NLRC5: variants seen among roughly 807,000 people sequenced by gnomAD.
NLRC5 encodes the protein protein NLRC5.
NLRC5 carries 114 observed loss-of-function variants against 206.9 expected under a neutral mutation model. That is an observed-to-expected ratio of 0.55 (90% CI 0.47 to 0.64). NLRC5 has a LOEUF of 0.64. Ranked by LOEUF, NLRC5 falls within the 30% of genes least tolerant of loss-of-function variation. The pLI, the probability that NLRC5 is intolerant of heterozygous loss-of-function variation, is 0.00. For synonymous variants in NLRC5, 952 were observed against 962.8 expected (o/e 0.99, Z 0.21); for missense variants, 2,008 against 2,305.5 (o/e 0.87, Z 2.64).
rs746312170 is a variant in NLRC5, at chr16:57,020,847, C to G, written c.135C>G (p.Asn45Lys). The change falls in exon 3 of 49, where the codon AAC (asparagine) becomes AAG (lysine). Residue 45 changes from asparagine to lysine, a missense_variant. Physicochemically the swap from Asn to Lys is moderately conservative, Grantham distance 94 (BLOSUM62 0). Coordinates refer to ENST00000688547, the MANE Select transcript of NLRC5 (RefSeq NM_001384950.1). ...FLPNTDLDSR[N>K]ETLDPEQRVI... ...CCAACACGGACCTGGATTCCAGGAACGAGACCTTGGACCCTGAACAGAGAG... is the reference window on the plus strand; with the variant it reads ...CCAACACGGACCTGGATTCCAGGAAGGAGACCTTGGACCCTGAACAGAGAG... The G allele has an allele frequency of 6.2e-7, 1 of 1,613,622 alleles. No homozygotes were observed. The highest frequency in any genetic ancestry group is 1.1e-5 in the South Asian group (1 of 91,034).
chr16:57,033,467 C>T, intron 11 of NLRC5, 137 bp from the exon 12 acceptor site: 1 of 744,338 alleles, frequency 1.3e-6, no homozygotes, highest in African/African-American at 1.7e-5. Flanking sequence ...TGAGCATCTG[C>T]AAGCAGTCTC....
intron 21 of NLRC5, 60 bp from the exon 22 acceptor site, chr16:57,046,492 C>T: frequency 7.1e-7 from 1 of 1,412,508 alleles, no homozygotes; most frequent in Non-Finnish European, 1.0e-6. Context: ...GGTATATGGG[C>T]TGGGCTGGGA....
At chr16:57,029,919 C>T in intron 9 of NLRC5, 63 bp downstream of exon 9, 1 of 1,607,572 alleles carries the variant, frequency 6.2e-7, no homozygotes, top group Non-Finnish European at 8.5e-7. Context: ...CACCCCACTC[C>T]CTTGCAAGGC....
chr16:57,067,316 T>C, intron 34 of NLRC5, 71 bp from the exon 35 acceptor site: 1 of 1,235,102 alleles, frequency 8.1e-7, no homozygotes, highest in Non-Finnish European at 1.2e-6. Flanking sequence ...ATAAGCTCCT[T>C]GCAGGCAGAT....
In NLRC5 at chr16:57,074,682, A is replaced by G; in HGVS notation, c.4750A>G (p.Arg1584Gly). 1 of 1,613,578 alleles carries G rather than the reference A, an allele frequency of 6.2e-7. No individual in the cohort carries two copies. Among genetic ancestry groups the G allele is most frequent in the Non-Finnish European group, 8.5e-7 (1 of 1,179,572 alleles). Residue 1584 changes from arginine to glycine, a missense_variant and splice_region_variant, in exon 39 of 49, where the codon AGA becomes GGA. Coordinates refer to ENST00000688547, the MANE Select transcript of NLRC5 (RefSeq NM_001384950.1). The stretch of plus-strand genomic sequence containing the variant: ...CCAGATGACCTGCCTGCAGAGCCTC[A>G]GGTGAGTGACCGAGCGGCCCCATGG... ...LSQMTCLQSLRLNRNSIGDVG... is the reference protein window; with the variant it reads ...LSQMTCLQSLGLNRNSIGDVG...
intron 1 of NLRC5, among the ~76,000 whole-genome samples, chr16:57,000,131 G>A (rs566273383): frequency 5.3e-4 from 81 of 152,248 alleles, no homozygotes; most frequent in Non-Finnish European, 1.3e-4. Flanking sequence ...ACACGCAAGC[G>A]GGAGCCTTCT....
Position 57,045,502 on chromosome 16 carries a change from G to T in NLRC5, c.3248+10G>T. On this transcript the variant is annotated intron_variant, in intron 21 of 48. Coordinates refer to ENST00000688547, the MANE Select transcript of NLRC5 (RefSeq NM_001384950.1). ...GGGACAAGACAAGCAGGTGAGGAGGGAACGCTCGGGGTGGGGGAGTCCCCT... is the reference window on the plus strand; with the variant it reads ...GGGACAAGACAAGCAGGTGAGGAGGTAACGCTCGGGGTGGGGGAGTCCCCT... 2 of 1,613,648 alleles carry T rather than the reference G, an allele frequency of 1.2e-6. No individual in the cohort carries two copies. Among genetic ancestry groups the T allele is most frequent in the African/African-American group, 2.7e-5 (2 of 75,040 alleles).
intron 1 of NLRC5, among the ~76,000 whole-genome samples, chr16:56,993,120 T>TATATATATATACATATATATATACAC (rs2057123195): frequency 9.5e-6 from 1 of 105,240 alleles, no homozygotes; most frequent in African/African-American, 3.2e-5. Context: ...CGTATATATG[T>TATATATATATACATATATATATACAC]GTATATATAT....
Position 57,025,490 on chromosome 16 carries a change from C to T in NLRC5, c.547C>T (p.Arg183Trp), listed in dbSNP as rs750291867. The change falls in exon 6 of 49, where the codon CGG (arginine) becomes TGG (tryptophan). Residue 183 changes from arginine to tryptophan, a missense_variant. Physicochemically the swap from Arg to Trp is moderately radical, Grantham distance 101. Transcript: ENST00000688547. ...GGTCTATGTCCCTCCAATCCTGCGCCGGGCCACAGCATCCTTAGACACTCC... is the reference window on the plus strand; with the variant it reads ...GGTCTATGTCCCTCCAATCCTGCGCTGGGCCACAGCATCCTTAGACACTCC... ...HQVYVPPILR[R>W]ATASLDTPEG... is the part of the protein sequence containing the mutation. 9.9e-6 allele frequency: 16 copies of T among 1,613,282 alleles called. No individual in the cohort carries two copies. The highest frequency in any genetic ancestry group is 4.5e-5 in the East Asian group (2 of 44,882).
At chr16:57,014,994 T>C (rs2059897965) in intron 1 of NLRC5, among the ~76,000 whole-genome samples, 2 of 151,766 alleles carry the variant, frequency 1.3e-5, no homozygotes, top group Non-Finnish European at 2.9e-5. Context: ...GGTGGCATGA[T>C]CTTGGCTCAA....
chr16:57,047,497 A>G (rs1371524187), intron 22 of NLRC5, 48 bp from the exon 23 acceptor site: 1 of 1,513,368 alleles, frequency 6.6e-7, no homozygotes, highest in Non-Finnish European at 9.1e-7. Flanking sequence ...CTAGCCAGGG[A>G]CCCTGGGCTT....
intron 1 of NLRC5, among the ~76,000 whole-genome samples, chr16:57,016,493 T>C (rs139335406): frequency 6.6e-6 from 1 of 152,340 alleles, no homozygotes; most frequent in African/African-American, 2.4e-5. Context: ...TTCTCTTCTT[T>C]GTTCGTAGGA....
chr16:57,047,715 T>A, intron 23 of NLRC5, 87 bp downstream of exon 23: 1 of 1,130,074 alleles, frequency 8.8e-7, no homozygotes, highest in Non-Finnish European at 1.3e-6. Context: ...AGAAGACAGG[T>A]GAGTCTTTCT....
intron 23 of NLRC5, among the ~76,000 whole-genome samples, chr16:57,049,465 C>T (rs1276197717): frequency 1.3e-5 from 2 of 152,156 alleles, no homozygotes; most frequent in African/African-American, 2.4e-5. Context: ...CGGCCCGGCA[C>T]GGTGACTCAC....
intron 46 of NLRC5, among the ~76,000 whole-genome samples, chr16:57,080,386 T>C (rs2068976192): frequency 6.6e-6 from 1 of 152,118 alleles, no homozygotes; most frequent in Admixed American, 6.6e-5. Flanking sequence ...GTTAATACCA[T>C]TGTTTGTACT....
chr16:57,023,922 T>C, intron 5 of NLRC5, 69 bp downstream of exon 5: 29 of 1,416,096 alleles, frequency 2.0e-5, no homozygotes, highest in Non-Finnish European at 2.8e-5. Context: ...ACCCGGACCC[T>C]GGACCTTGTC....
intron 20 of NLRC5, 150 bp downstream of exon 20, chr16:57,043,754 C>G (rs550677298): frequency 1.5e-6 from 1 of 680,078 alleles, no homozygotes; most frequent in Non-Finnish European, 2.7e-6. Flanking sequence ...ATGTGATGGG[C>G]GTCCACTGAA....
At chr16:57,027,101 A>T in intron 6 of NLRC5, 83 bp downstream of exon 6, 5 of 1,465,196 alleles carry the variant, frequency 3.4e-6, no homozygotes, top group Non-Finnish European at 4.6e-6. Flanking sequence ...ACCTCTGCCA[A>T]GAGGACTGGA....
chr16:57,047,121 C>T (rs1469985125), intron 22 of NLRC5, among the ~76,000 whole-genome samples: 4 of 152,166 alleles, frequency 2.6e-5, no homozygotes, highest in Non-Finnish European at 5.9e-5. Context: ...CACTGTTAGC[C>T]CCAGGGCAAT....
Sources: allele counts gnomAD v4.1 joint callset (sites outside exome capture counted in the v4.1 genomes callset), GRCh38; gene constraint gnomAD v4.1.1; transcripts MANE v1.5; gene names NCBI Gene and HGNC (gene_info 2026-07-23, HGNC 2026-07-21).